Variants in DIS3L2 observed in about 807,000 individuals in gnomAD.
DIS3L2 encodes DIS3-like exonuclease 2.
DIS3L2 carries 34 observed loss-of-function variants against 97.5 expected under a neutral mutation model. The observed-to-expected ratio is 0.35, with a 90% CI of 0.27 to 0.46. DIS3L2 has a LOEUF of 0.46. Ranked by LOEUF, DIS3L2 falls within the 20% of genes least tolerant of loss-of-function variation. The pLI is 1.00. For missense variants in DIS3L2, 1,038 were observed against 1,146.0 expected (o/e 0.91, Z 1.36); for synonymous variants, 435 against 445.2 (o/e 0.98, Z 0.29).
At chr2:232,184,871 C>A (rs983142439) in intron 9 of DIS3L2, among the ~76,000 whole-genome samples, 2 of 152,174 alleles carry the variant, frequency 1.3e-5, no homozygotes, top group Non-Finnish European at 2.9e-5. Flanking sequence ...CTCAGTCTTG[C>A]TCTGTCATAG....
intron 9 of DIS3L2, among the ~76,000 whole-genome samples, chr2:232,177,156 TA>T (rs1691191487): frequency 6.9e-6 from 1 of 143,996 alleles, no homozygotes; most frequent in Non-Finnish European, 1.5e-5. Flanking sequence ...TATGGCTGCA[TA>T]GTATTCCATG....
chr2:232,092,802 G>A (rs922456958), intron 6 of DIS3L2, among the ~76,000 whole-genome samples: 14 of 152,056 alleles, frequency 9.2e-5, no homozygotes, highest in African/African-American at 3.1e-4. Context: ...GAAGTCTTTA[G>A]GGTTTTCCAA....
At chr2:231,999,732 C>G (rs1693828490) in intron 1 of DIS3L2, among the ~76,000 whole-genome samples, 1 of 151,982 alleles carries the variant, frequency 6.6e-6, no homozygotes, top group South Asian at 2.1e-4. Context: ...AATACTGTAC[C>G]CCACAGTTAC....
rs1452962871 is a variant in DIS3L2 at position 232,336,188 on chromosome 2, T to C, written c.2497-281T>C. On this transcript the variant is annotated intron_variant, in intron 20 of 20. Coordinates refer to ENST00000325385, the MANE Select transcript of DIS3L2 (RefSeq NM_152383.5). Reference sequence around the variant, plus strand: ...AAGCTATGAGTTTACACCCAAGAAATTGTCTGGAACCGTTTTCACCAACAG... The same window carrying C: ...AAGCTATGAGTTTACACCCAAGAAACTGTCTGGAACCGTTTTCACCAACAG... The C allele has an allele frequency of 3.3e-6, 5 of 1,532,248 alleles. No homozygotes were observed. In the East Asian group the frequency reaches 1.3e-4, roughly 39 times the overall value. 94.9% of individuals were successfully genotyped at this position (1,532,248 alleles called of 1,614,324 possible).
chr2:232,061,397 G>T (rs1235555869), intron 5 of DIS3L2, among the ~76,000 whole-genome samples: 1 of 152,202 alleles, frequency 6.6e-6, no homozygotes, highest in Admixed American at 6.5e-5. Flanking sequence ...CCGTGAAGCT[G>T]GAGAGCTTCT....
chr2:232,053,294 A>T (rs142687415), intron 5 of DIS3L2, among the ~76,000 whole-genome samples: 81 of 152,342 alleles, frequency 5.3e-4, no homozygotes, highest in African/African-American at 1.8e-3. Context: ...TTATTATGTT[A>T]AAAGTAGTTT....
chr2:232,129,011 G>T (rs558776339), intron 6 of DIS3L2, among the ~76,000 whole-genome samples: 1 of 152,246 alleles, frequency 6.6e-6, no homozygotes, highest in African/African-American at 2.4e-5. Flanking sequence ...TCATGATTGG[G>T]CCCACTTCTA....
At chr2:232,237,552 C>T (rs528595772) in intron 10 of DIS3L2, among the ~76,000 whole-genome samples, 1 of 151,988 alleles carries the variant, frequency 6.6e-6, no homozygotes, top group Non-Finnish European at 1.5e-5. Context: ...GGGAGAGAGA[C>T]AGATAACAAA....
At chr2:232,315,126 A>G (rs569015101) in intron 14 of DIS3L2, among the ~76,000 whole-genome samples, 1 of 152,322 alleles carries the variant, frequency 6.6e-6, no homozygotes, top group South Asian at 2.1e-4. Flanking sequence ...GAGTTCTAGA[A>G]GAGACTGTGA....
chr2:232,309,257 T>C (rs1319452550), intron 14 of DIS3L2, among the ~76,000 whole-genome samples: 1 of 152,194 alleles, frequency 6.6e-6, no homozygotes, highest in African/African-American at 2.4e-5. Context: ...CCAGACTCTA[T>C]CTTTCTGCCT....
chr2:232,127,323 G>A (rs1260102009), intron 6 of DIS3L2, among the ~76,000 whole-genome samples: 1 of 152,066 alleles, frequency 6.6e-6, no homozygotes, highest in African/African-American at 2.4e-5. Context: ...TGTCTTTCCT[G>A]TGCCATAAGT....
At position 232,300,721 on chromosome 2, in the gene DIS3L2, C is replaced by T. The variant is rs192459005; in HGVS notation, c.1739+602C>T. Among the ~76,000 whole-genome samples the T allele has an allele frequency of 1.2e-3, 169 of 145,202 alleles. 1 individual carries two copies. The highest frequency in any genetic ancestry group is 3.9e-3 in the Admixed American group (54 of 13,946). On this transcript the variant is annotated intron_variant, in intron 14 of 20. Coordinates refer to ENST00000325385, the MANE Select transcript of DIS3L2 (RefSeq NM_152383.5). ...CTGGGCTAGAGTGCAGTGATAGAAT[C>T]GTGGCTCACTGCAGCCCAAAACTCC...
chr2:232,287,549 C>T (rs1488440012), intron 13 of DIS3L2, among the ~76,000 whole-genome samples: 2 of 151,804 alleles, frequency 1.3e-5, no homozygotes. Context: ...CAGGTGCATG[C>T]CTGTGCTGAT....
chr2:232,333,743 C>T, intron 16 of DIS3L2, 97 bp from the exon 17 acceptor site: 5 of 1,476,458 alleles, frequency 3.4e-6, no homozygotes, highest in Admixed American at 4.6e-5. Flanking sequence ...TCTGTCCACA[C>T]ATCGCTGCCG....
chr2:232,288,224 G>A (rs531588628), intron 13 of DIS3L2, among the ~76,000 whole-genome samples: 21 of 152,324 alleles, frequency 1.4e-4, no homozygotes, highest in East Asian at 5.8e-4. Flanking sequence ...GAATTAGCAC[G>A]GAATCAAGTC....
Position 232,298,371 on chromosome 2 carries a change from T to C in DIS3L2, c.1660-1669T>C, listed in dbSNP as rs111480119. ...AGACTCAAAATGGACAGAATGAATA[T>C]AGACCTGACCTCAGCTGCAAAGAGA... On this transcript the variant is annotated intron_variant, in intron 13 of 20. Coordinates refer to ENST00000325385, the MANE Select transcript of DIS3L2 (RefSeq NM_152383.5). Among the ~76,000 whole-genome samples, 594 of 152,302 alleles carry C rather than the reference T, an allele frequency of 3.9e-3. 2 individuals carry two copies. The highest frequency in any genetic ancestry group is 4.1e-3 in the Non-Finnish European group (281 of 68,024).
At chr2:232,162,376 G>T (rs763510298) in intron 8 of DIS3L2, among the ~76,000 whole-genome samples, 11 of 152,206 alleles carry the variant, frequency 7.2e-5, no homozygotes, top group Admixed American at 2.0e-4. Context: ...GGCCAGCCCT[G>T]CTGCCATCAC....
chr2:232,321,131 TCTC>T (rs1695419164), intron 14 of DIS3L2, among the ~76,000 whole-genome samples: 2 of 151,992 alleles, frequency 1.3e-5, no homozygotes, highest in Admixed American at 6.5e-5. Context: ...GAGGCACTGA[TCTC>T]CTTGTGGCCA....
chr2:232,005,811 T>C (rs914270589), intron 1 of DIS3L2, among the ~76,000 whole-genome samples: 16 of 152,222 alleles, frequency 1.1e-4, no homozygotes, highest in East Asian at 3.8e-4. Flanking sequence ...TAGTGTGATA[T>C]TGAAAAACTT....
Sources: allele counts gnomAD v4.1 joint callset (sites outside exome capture counted in the v4.1 genomes callset), GRCh38; gene constraint gnomAD v4.1.1; transcripts MANE v1.5; gene names NCBI Gene and HGNC (gene_info 2026-07-23, HGNC 2026-07-21).